The following EPHA5 variants were observed in gnomAD, a reference collection of about 807,000 sequenced individuals.
EPHA5 encodes the protein EPH receptor A5.
A neutral mutation model predicts 105.0 loss-of-function variants in EPHA5; 60 were observed. The observed-to-expected ratio is 0.57, with a 90% CI of 0.46 to 0.71. The LOEUF (loss-of-function observed/expected upper bound fraction) is 0.71, where lower values mean the gene tolerates loss of function less well. Among genes scored for constraint, EPHA5 ranks in the 30% least tolerant of loss-of-function variants. EPHA5 has a pLI of 0.00. For missense variants in EPHA5, 1,218 were observed against 1,274.7 expected, an observed-to-expected ratio of 0.96 and a Z score of 0.68; for synonymous variants, 513 against 449.1, an observed-to-expected ratio of 1.14 and a Z score of -1.80.
chr4:65,519,717 T>G (rs1734484773), intron 3 of EPHA5, among the ~76,000 whole-genome samples: 1 of 152,096 alleles, frequency 6.6e-6, no homozygotes, highest in Non-Finnish European at 1.5e-5. Context: ...ATCACAAGCA[T>G]TCTTATACAG....
chr4:65,488,481 AAG>A (rs1399189104), intron 5 of EPHA5, among the ~76,000 whole-genome samples: 1 of 152,206 alleles, frequency 6.6e-6, no homozygotes, highest in Non-Finnish European at 1.5e-5. Flanking sequence ...CTAACATGGG[AAG>A]AGAGTTCACA....
At position 65,661,753 on chromosome 4, in the gene EPHA5, C is replaced by G. The variant is rs184045427; in HGVS notation, c.181+7809G>C. Among the ~76,000 whole-genome samples the G allele has an allele frequency of 2.6e-3, 392 of 152,188 alleles. 3 individuals carry two copies. The highest frequency in any genetic ancestry group is 3.7e-3 in the Non-Finnish European group (251 of 67,994). ...ACTGATGGGCTGAACTGGTGCCAGCCGGATCTGCCTACTGAGTTTGCCTTT... is the reference window on the plus strand; with the variant it reads ...ACTGATGGGCTGAACTGGTGCCAGCGGGATCTGCCTACTGAGTTTGCCTTT... On this transcript the variant is annotated intron_variant, in intron 1 of 16. Transcript: ENST00000613740.
At chr4:65,594,711 C>T (rs1280088673) in intron 3 of EPHA5, among the ~76,000 whole-genome samples, 4 of 152,008 alleles carry the variant, frequency 2.6e-5, no homozygotes, top group African/African-American at 9.7e-5. Flanking sequence ...AGAAGAGTCA[C>T]TAGTTATTAA....
chr4:65,444,151 A>G (rs1726289665), intron 5 of EPHA5, among the ~76,000 whole-genome samples: 1 of 152,184 alleles, frequency 6.6e-6, no homozygotes, highest in Non-Finnish European at 1.5e-5. Context: ...TTTTACTTTT[A>G]TAATAGTGCA....
chr4:65,482,697 C>T (rs1271482004), intron 5 of EPHA5, among the ~76,000 whole-genome samples: 1 of 152,086 alleles, frequency 6.6e-6, no homozygotes, highest in African/African-American at 2.4e-5. Context: ...ATAGTGTTCA[C>T]ACTTGAATTA....
chr4:65,550,567 G>A (rs1414015217), intron 3 of EPHA5, among the ~76,000 whole-genome samples: 2 of 152,144 alleles, frequency 1.3e-5, no homozygotes, highest in Non-Finnish European at 2.9e-5. Flanking sequence ...CGGGTGCGGT[G>A]GCTCACGTCT....
At chr4:65,376,980 G>T in intron 8 of EPHA5, 1 of 1,596,292 alleles carries the variant, frequency 6.3e-7, no homozygotes, top group Non-Finnish European at 8.5e-7. Context: ...AGGAGTGAAA[G>T]TGGGAGGGAA....
intron 2 of EPHA5, among the ~76,000 whole-genome samples, chr4:65,602,693 A>T (rs147969505): frequency 3.9e-4 from 60 of 152,300 alleles, no homozygotes; most frequent in African/African-American, 1.4e-3. Flanking sequence ...CAGCATATAC[A>T]TAAATAGGGT....
At chr4:65,605,919 A>G (rs572569086) in intron 2 of EPHA5, among the ~76,000 whole-genome samples, 25 of 152,304 alleles carry the variant, frequency 1.6e-4, no homozygotes, top group Admixed American at 4.6e-4. Context: ...AAAGAGCCTT[A>G]AAAGAGCCAG....
intron 5 of EPHA5, among the ~76,000 whole-genome samples, chr4:65,420,810 T>C (rs1723879470): frequency 6.6e-6 from 1 of 152,092 alleles, no homozygotes; most frequent in Non-Finnish European, 1.5e-5. Context: ...CCAAGTTGTT[T>C]AGAAACATAA....
At chr4:65,658,708 C>A (rs997742221) in intron 1 of EPHA5, among the ~76,000 whole-genome samples, 1 of 152,096 alleles carries the variant, frequency 6.6e-6, no homozygotes, top group Non-Finnish European at 1.5e-5. Flanking sequence ...GGTTTACTAG[C>A]TTGCCCAAGT....
At chr4:65,372,421 G>A (rs1037632380) in intron 8 of EPHA5, among the ~76,000 whole-genome samples, 1 of 151,798 alleles carries the variant, frequency 6.6e-6, no homozygotes, top group African/African-American at 2.4e-5. Context: ...GTACTAAAAT[G>A]GGGCATTGGA....
rs576784555 is a variant in EPHA5 at position 65,386,706 on chromosome 4, T to TA, written c.1793+17667dup. ...ATAAATTTTATATTGTTATGTTAAGTAAAAAAAACAGAAAACAAAACTACC... is the reference window on the plus strand; with the variant it reads ...ATAAATTTTATATTGTTATGTTAAGTAAAAAAAAACAGAAAACAAAACTACC... On this transcript the variant is annotated intron_variant, in intron 8 of 16. Transcript: ENST00000613740. Among the ~76,000 whole-genome samples the TA allele has an allele frequency of 2.0e-3, 309 of 151,724 alleles. 1 individual carries two copies. The highest frequency in any genetic ancestry group is 4.4e-3 in the African/African-American group (182 of 41,400).
intron 3 of EPHA5, among the ~76,000 whole-genome samples, chr4:65,505,914 T>C (rs190156179): frequency 1.2e-3 from 190 of 152,300 alleles, no homozygotes; most frequent in African/African-American, 4.3e-3. Flanking sequence ...GTTTGTTACA[T>C]ATGTATACAT....
At chr4:65,538,948 T>A (rs1560667640) in intron 3 of EPHA5, among the ~76,000 whole-genome samples, 1 of 151,672 alleles carries the variant, frequency 6.6e-6, no homozygotes, top group Non-Finnish European at 1.5e-5. Flanking sequence ...AATCTCTTTA[T>A]GATATCACGA....
intron 1 of EPHA5, among the ~76,000 whole-genome samples, chr4:65,646,537 A>G (rs538340567): frequency 3.7e-4 from 57 of 152,306 alleles, no homozygotes; most frequent in Admixed American, 8.5e-4. Flanking sequence ...GAAACATCCT[A>G]CAATGTACTG....
At chr4:65,398,646 A>C (rs766976374) in intron 8 of EPHA5, among the ~76,000 whole-genome samples, 10 of 152,130 alleles carry the variant, frequency 6.6e-5, no homozygotes, top group Non-Finnish European at 7.3e-5. Flanking sequence ...AGCCCATAAA[A>C]ACCCTGGACT....
chr4:65,402,362 G>T (rs1001510643), intron 8 of EPHA5, among the ~76,000 whole-genome samples: 91 of 152,268 alleles, frequency 6.0e-4, no homozygotes, highest in African/African-American at 2.1e-3. Flanking sequence ...GCACTAAAAT[G>T]ATACTATCCT....
chr4:65,438,015 A>C lies in EPHA5; in HGVS notation c.1403-17450T>G, dbSNP rs1429703119. On this transcript the variant is annotated intron_variant, in intron 5 of 16. Transcript: ENST00000613740. ...ATTAAATCCTCTGGATTCAGAAAAC[A>C]GTATTTATCTGCTTATACAGCATCA... 2.6e-5 allele frequency among the ~76,000 whole-genome samples: 4 copies of C among 152,122 alleles called. No homozygotes were observed. In the East Asian group the frequency reaches 5.8e-4, roughly 22 times the overall value.
Sources: gnomAD v4.1 joint callset for allele counts (sites outside exome capture counted in the v4.1 genomes callset) on GRCh38, gnomAD v4.1.1 for gene constraint, MANE v1.5 for transcripts, NCBI Gene and HGNC (gene_info 2026-07-23, HGNC 2026-07-21) for gene names.